The following TEX11 variants were observed in gnomAD, a reference collection of about 807,000 sequenced individuals.
The protein encoded by TEX11 is testis-expressed protein 11.
TEX11 carries 7 observed loss-of-function variants against 84.4 expected under a neutral mutation model. The ratio of observed to expected loss-of-function variants is 0.08; its 90% CI spans 0.05 to 0.16. TEX11 has a LOEUF of 0.16. TEX11 is among the 10% of genes least tolerant of loss of function. TEX11 has a pLI of 1.00. For synonymous variants in TEX11, 264 were observed against 222.8 expected (o/e 1.18, Z -1.64); for missense variants, 551 against 660.5 (o/e 0.83, Z 1.82).
chrX:70,884,071 T>C (rs1006111698), intron 2 of TEX11, among the ~76,000 whole-genome samples: 8 of 112,302 alleles, frequency 7.1e-5, no homozygotes, highest in Non-Finnish European at 1.5e-4. Context: ...GAAATGACAA[T>C]AAAATTAACA....
chrX:70,801,786 T>C (rs2091190700), intron 9 of TEX11, among the ~76,000 whole-genome samples: 1 of 109,631 alleles, frequency 9.1e-6, no homozygotes, highest in Non-Finnish European at 1.9e-5. Context: ...ATATTAAATA[T>C]TCTCACCACA....
chrX:70,620,766 G>C (rs1317935274), intron 20 of TEX11, among the ~76,000 whole-genome samples: 1 of 112,173 alleles, frequency 8.9e-6, no homozygotes, highest in East Asian at 2.8e-4. Flanking sequence ...ATATCATTCA[G>C]TGCTATCAAG....
At chrX:70,549,470 TC>T (rs887165567) in intron 28 of TEX11, among the ~76,000 whole-genome samples, 2 of 111,137 alleles carry the variant, frequency 1.8e-5, no homozygotes, top group African/African-American at 6.5e-5. Flanking sequence ...GCTCCTAGGG[TC>T]CCCGGTTCCA....
chrX:70,559,512 A>G (rs1225875976), intron 25 of TEX11, among the ~76,000 whole-genome samples: 1 of 112,218 alleles, frequency 8.9e-6, no homozygotes. Flanking sequence ...CTGTGAATAT[A>G]CTAAAGTGTA....
chrX:70,725,161 A>G (rs1013604530), intron 12 of TEX11, 101 bp downstream of exon 12: 1 of 457,864 alleles, frequency 2.2e-6, no homozygotes, highest in Non-Finnish European at 3.4e-6. Flanking sequence ...CTCAGCCACC[A>G]TCAAATTACA....
chrX:70,844,030 A>G (rs767804798), intron 7 of TEX11, among the ~76,000 whole-genome samples: 141 of 110,761 alleles, frequency 1.3e-3, no homozygotes, highest in African/African-American at 4.2e-3. Flanking sequence ...AAACTAGTTC[A>G]ACCATTGTGG....
intron 9 of TEX11, among the ~76,000 whole-genome samples, chrX:70,804,699 T>TACA (rs1482382280): frequency 2.7e-5 from 3 of 111,723 alleles, no homozygotes; most frequent in African/African-American, 9.7e-5. Context: ...ATATAGCCGC[T>TACA]AAGATATTCT....
chrX:70,637,100 A>C (rs2089584980), intron 17 of TEX11, among the ~76,000 whole-genome samples: 1 of 112,210 alleles, frequency 8.9e-6, no homozygotes, highest in Admixed American at 9.4e-5. Flanking sequence ...ACATGAACAG[A>C]CACTTCTCAA....
rs753874381 is a variant in TEX11 at position 70,552,131 on chromosome X, G to A, written c.2515C>T (p.Arg839Cys). ...YFEDALSHIS[R>C]TKDYPEMEIL... ...AATATCACTATTTGACTTACAGTGC[G>A]GCTAATGTGGCTCAGAGCATCTTCA... Residue 839 changes from arginine to cysteine, a missense_variant, in exon 28 of 30, where the codon CGC becomes TGC. By Grantham distance (180) the Arg-to-Cys change is radical. Coordinates refer to ENST00000374333, the MANE Select transcript of TEX11 (RefSeq NM_031276.3). 33 of 1,206,812 alleles carry A rather than the reference G, an allele frequency of 2.7e-5. No homozygotes were observed. Among genetic ancestry groups the A allele is most frequent in the Middle Eastern group, 2.3e-4 (1 of 4,335 alleles).
intron 13 of TEX11, among the ~76,000 whole-genome samples, chrX:70,713,878 A>G (rs1436195730): frequency 1.1e-4 from 12 of 109,498 alleles, no homozygotes; most frequent in African/African-American, 3.0e-4. Flanking sequence ...TTTTAATTGT[A>G]ATGTTAGGGT....
intron 25 of TEX11, among the ~76,000 whole-genome samples, chrX:70,555,586 T>C (rs1318560373): frequency 8.9e-6 from 1 of 112,166 alleles, no homozygotes; most frequent in Non-Finnish European, 1.9e-5. Context: ...ATCTTTGCTT[T>C]TCTGCGTTTA....
chrX:70,634,712 C>CAA (rs200844454), intron 17 of TEX11, among the ~76,000 whole-genome samples: 2 of 66,097 alleles, frequency 3.0e-5, no homozygotes, highest in Non-Finnish European at 3.2e-5. Flanking sequence ...TAGTCATGTG[C>CAA]AAAAAAAAAA....
intron 12 of TEX11, 45 bp from the exon 13 acceptor site, chrX:70,722,741 G>A: frequency 2.0e-6 from 2 of 993,212 alleles, no homozygotes; most frequent in Non-Finnish European, 2.8e-6. Context: ...TAATTTTTGA[G>A]GAAGCTTAGT....
At chrX:70,544,041 A>G (rs762670779) in intron 28 of TEX11, among the ~76,000 whole-genome samples, 1 of 111,798 alleles carries the variant, frequency 8.9e-6, no homozygotes, top group Non-Finnish European at 1.9e-5. Context: ...GTACTCCTGT[A>G]TAGGGCACTA....
At chrX:70,847,281 C>T (rs1214203197) in intron 7 of TEX11, among the ~76,000 whole-genome samples, 1 of 111,441 alleles carries the variant, frequency 9.0e-6, no homozygotes, top group Non-Finnish European at 1.9e-5. Flanking sequence ...ATAAATTACC[C>T]AGCCTCAAGT....
chrX:70,782,645 C>CAAAAAAAAAAAAAAAAAAAAAA (rs780011355), intron 9 of TEX11, among the ~76,000 whole-genome samples: 1 of 28,902 alleles, frequency 3.5e-5, no homozygotes, highest in Non-Finnish European at 5.0e-5. Flanking sequence ...AAATGGAAAG[C>CAAAAAAAAAAAAAAAAAAAAAA]AAAAAAAAAA....
intron 17 of TEX11, among the ~76,000 whole-genome samples, chrX:70,629,983 A>G (rs1240527879): frequency 8.9e-6 from 1 of 112,144 alleles, no homozygotes; most frequent in Non-Finnish European, 1.9e-5. Flanking sequence ...AAGTAAACAA[A>G]TACACATAAG....
At chrX:70,656,367 GCTGTGAGCTGTGTTTACAC>G (rs971163100) in intron 16 of TEX11, among the ~76,000 whole-genome samples, 1 of 110,708 alleles carries the variant, frequency 9.0e-6, no homozygotes, top group Non-Finnish European at 1.9e-5. Flanking sequence ...AGTTGAGGAT[GCTGTGAGCTGTGTTTACAC>G]CACTGCACTC....
chrX:70,562,266 T>C (rs758303578), intron 25 of TEX11, among the ~76,000 whole-genome samples: 2 of 111,915 alleles, frequency 1.8e-5, no homozygotes, highest in Admixed American at 9.5e-5. Flanking sequence ...TAGGCTCTTA[T>C]CTTTTTTTTA....
Sources: allele counts gnomAD v4.1 joint callset (sites outside exome capture counted in the v4.1 genomes callset), GRCh38; gene constraint gnomAD v4.1.1; transcripts MANE v1.5; gene names NCBI Gene and HGNC (gene_info 2026-07-23, HGNC 2026-07-21).